The following IL6R variants were observed in gnomAD, a reference collection of about 807,000 sequenced individuals.
IL6R encodes interleukin-6 receptor subunit alpha.
In IL6R, 38 loss-of-function variants were observed where a neutral mutation model predicts 48.3. The ratio of observed to expected loss-of-function variants is 0.79; its 90% CI spans 0.61 to 1.03. IL6R has a LOEUF of 1.03. Ranked by LOEUF, IL6R falls within the 50% of genes least tolerant of loss-of-function variation. The pLI is 0.00. For missense variants in IL6R, 534 were observed against 618.3 expected (o/e 0.86, Z 1.45); for synonymous variants, 264 against 256.2 (o/e 1.03, Z -0.29).
rs1420686401 is a variant in IL6R at position 154,457,974 on chromosome 1, T to TTC, written c.1160+3394_1160+3395insCT. Among the ~76,000 whole-genome samples the TTC allele has an allele frequency of 3.3e-5, 5 of 149,700 alleles. No individual in the cohort carries two copies. In the East Asian group the frequency reaches 5.8e-4, roughly 17 times the overall value. ...CTTTTTCTTTTTCTTTTTCTTTTTT[T>TTC]TTTTTTTTTTGAGACGGAGTCTCGC... is the stretch of plus-strand genomic sequence containing the variant. On this transcript the variant is annotated intron_variant, in intron 9 of 9. Transcript: ENST00000368485.
intron 6 of IL6R, among the ~76,000 whole-genome samples, chr1:154,446,624 T>C (rs1355452658): frequency 6.6e-6 from 1 of 152,172 alleles, no homozygotes; most frequent in Non-Finnish European, 1.5e-5. Context: ...CCTCTTGCCT[T>C]GGGGTTTCCG....
In IL6R at chr1:154,434,435, C is replaced by T. The variant is rs553607616; in HGVS notation, c.459-84C>T. On this transcript the variant is annotated intron_variant, in intron 3 of 9. Transcript: ENST00000368485. ...AAGTCTGGAGCTGGGATTCAAACCC[C>T]GGGATTCCACTTCCCCCTTCTGTCC... is the stretch of plus-strand genomic sequence containing the variant. 1.4e-5 allele frequency: 18 copies of T among 1,244,590 alleles called. No homozygotes were observed. In the Middle Eastern group the frequency reaches 8.5e-4, roughly 59 times the overall value. The allele number at this position is 1,244,590 out of a possible 1,614,324, so 77.1% of individuals were successfully genotyped here. A position where few individuals can be genotyped will look rare whatever the true frequency, so the allele number is the denominator to read the frequency against.
chr1:154,420,859 C>G (rs1396215231), intron 1 of IL6R, among the ~76,000 whole-genome samples: 1 of 152,124 alleles, frequency 6.6e-6, no homozygotes, highest in Non-Finnish European at 1.5e-5. Context: ...TATTAAAGAA[C>G]AAATCAAGGC....
chr1:154,456,896 A>G (rs1025090290), intron 9 of IL6R, among the ~76,000 whole-genome samples: 9 of 152,132 alleles, frequency 5.9e-5, no homozygotes, highest in Non-Finnish European at 4.4e-5. Flanking sequence ...GAGGAACCAC[A>G]AGATTCTGGT....
chr1:154,448,157 T>C lies in IL6R; in HGVS notation c.982T>C (p.Ser328Pro). 1.2e-6 allele frequency: 2 copies of C among 1,613,732 alleles called. No individual in the cohort carries two copies. Among genetic ancestry groups the C allele is most frequent in the South Asian group, 2.2e-5 (2 of 91,076 alleles). Residue 328 changes from serine to proline, a missense_variant, in exon 7 of 10, where the codon TCC (serine) becomes CCC (proline). Transcript: ENST00000368485. ...SRSPPAENEV[S>P]TPMQALTTNK... ...GAGTCCTCCAGCTGAGAACGAGGTG[T>C]CCACCCCCATGCAGGTGAGCTCCTG...
Position 154,447,452 on chromosome 1 carries a change from A to AT in IL6R, c.950-673_950-672insT, listed in dbSNP as rs1446497066. On this transcript the variant is annotated intron_variant, in intron 6 of 9. Coordinates refer to ENST00000368485, the MANE Select transcript of IL6R (RefSeq NM_000565.4). ...AAACTCCATCTCAAAAAAAAAAAAA[A>AT]AAATATATATATATATATATATATA... Among the ~76,000 whole-genome samples, 33 of 70,084 alleles carry AT rather than the reference A, an allele frequency of 4.7e-4. 1 individual carries two copies. Among genetic ancestry groups the AT allele is most frequent in the Admixed American group, 1.2e-3 (6 of 4,926 alleles). The allele number at this position is 70,084 out of a possible 152,430, so 46.0% of individuals were successfully genotyped here.
chr1:154,422,742 C>A (rs1307682252), intron 1 of IL6R, among the ~76,000 whole-genome samples: 1 of 152,240 alleles, frequency 6.6e-6, no homozygotes, highest in Non-Finnish European at 1.5e-5. Context: ...TTCGCCCCCG[C>A]GTGCCCCGTC....
chr1:154,460,740 A>G (rs927098391), intron 9 of IL6R, among the ~76,000 whole-genome samples: 2 of 152,228 alleles, frequency 1.3e-5, no homozygotes, highest in Non-Finnish European at 2.9e-5. Context: ...ACCAGGTTGC[A>G]GCAGAGAAAG....
At chr1:154,452,517 T>A (rs897297659) in intron 8 of IL6R, among the ~76,000 whole-genome samples, 6 of 152,122 alleles carry the variant, frequency 3.9e-5, no homozygotes, top group Non-Finnish European at 7.4e-5. Context: ...TCCGGGAGGC[T>A]TTTCCTGATA....
At chr1:154,447,476 T>TACACACACACAC (rs1230551409) in intron 6 of IL6R, among the ~76,000 whole-genome samples, 7 of 68,832 alleles carry the variant, frequency 1.0e-4, no homozygotes, top group African/African-American at 3.9e-4. Context: ...TATATATATA[T>TACACACACACAC]ACACACACAC....
At chr1:154,449,888 A>G in intron 7 of IL6R, 23 bp from the exon 8 acceptor site, 10 of 1,512,784 alleles carry the variant, frequency 6.6e-6, no homozygotes, top group Non-Finnish European at 9.2e-6. Flanking sequence ...AAACAGGCTG[A>G]TGGTGAGGAA....
chr1:154,455,334 G>T (rs1166059166), intron 9 of IL6R, among the ~76,000 whole-genome samples: 1 of 152,162 alleles, frequency 6.6e-6, no homozygotes, highest in East Asian at 1.9e-4. Context: ...GGACAGGTAG[G>T]CTGGCACCAG....
intron 8 of IL6R, among the ~76,000 whole-genome samples, chr1:154,452,687 C>T (rs1452522785): frequency 1.3e-5 from 2 of 151,680 alleles, no homozygotes; most frequent in Non-Finnish European, 2.9e-5. Flanking sequence ...AAAAATTAGC[C>T]GGGTGTGGTG....
intron 6 of IL6R, among the ~76,000 whole-genome samples, chr1:154,446,540 G>A (rs1690240020): frequency 6.6e-6 from 1 of 152,176 alleles, no homozygotes; most frequent in Non-Finnish European, 1.5e-5. Context: ...ACAAGAAAAT[G>A]TTTTGAAATC....
At position 154,458,856 on chromosome 1, in the gene IL6R, G is replaced by A. The variant is rs971922767; in HGVS notation, c.1160+4275G>A. 1.4e-4 allele frequency among the ~76,000 whole-genome samples: 21 copies of A among 150,852 alleles called. No individual in the cohort carries two copies. The East Asian group carries it at 1.7e-3, about 13-fold the overall frequency. On this transcript the variant is annotated intron_variant, in intron 9 of 9. Transcript: ENST00000368485. ...GCAGAGGTTGCAGTGAGCCGAGATCGCGCCACTGCACTCCAGCCTGGGCAG... is the reference window on the plus strand; with the variant it reads ...GCAGAGGTTGCAGTGAGCCGAGATCACGCCACTGCACTCCAGCCTGGGCAG...
Position 154,444,951 on chromosome 1 carries a change from T to C in IL6R, c.950-3174T>C, listed in dbSNP as rs542368601. ...GCCCCCCACACCCGCCCCCCCCAAA[T>C]GAGGAAGGGTGAAACCTCAAAATGA... On this transcript the variant is annotated intron_variant, in intron 6 of 9. Coordinates refer to ENST00000368485, the MANE Select transcript of IL6R (RefSeq NM_000565.4). 1,050 of 345,772 alleles carry C rather than the reference T, an allele frequency of 3.0e-3. 18 individuals are homozygous for C. The highest frequency in any genetic ancestry group is 0.02 in the South Asian group (1,026 of 50,908). 21.4% of individuals were successfully genotyped at this position (345,772 alleles called of 1,614,324 possible).
At chr1:154,437,209 G>C (rs1288787321) in intron 6 of IL6R, among the ~76,000 whole-genome samples, 1 of 152,078 alleles carries the variant, frequency 6.6e-6, no homozygotes, top group Non-Finnish European at 1.5e-5. Flanking sequence ...CCATTCTCCT[G>C]CCTCAGCCTG....
At chr1:154,433,738 T>TC (rs1217955820) in intron 3 of IL6R, among the ~76,000 whole-genome samples, 1 of 151,570 alleles carries the variant, frequency 6.6e-6, no homozygotes, top group Non-Finnish European at 1.5e-5. Context: ...TGCTCAATTT[T>TC]TTTTTTTTGA....
intron 1 of IL6R, among the ~76,000 whole-genome samples, chr1:154,408,859 A>G (rs952249688): frequency 1.3e-5 from 2 of 151,944 alleles, no homozygotes; most frequent in Non-Finnish European, 2.9e-5. Context: ...TTTAAATTTA[A>G]ATTATGCCAG....
Sources: allele counts gnomAD v4.1 joint callset (sites outside exome capture counted in the v4.1 genomes callset), GRCh38; gene constraint gnomAD v4.1.1; transcripts MANE v1.5; gene names NCBI Gene and HGNC (gene_info 2026-07-23, HGNC 2026-07-21).